Variants in PDE10A observed in about 807,000 individuals in gnomAD.
PDE10A encodes cAMP and cAMP-inhibited cGMP 3',5'-cyclic phosphodiesterase 10A.
A neutral mutation model predicts 97.7 loss-of-function variants in PDE10A; 39 were observed. The observed-to-expected ratio is 0.40, with a 90% confidence interval of 0.31 to 0.52. PDE10A has a LOEUF of 0.52. Ranked by LOEUF, PDE10A falls within the 20% of genes least tolerant of loss-of-function variation. PDE10A has a pLI of 0.56. For synonymous variants in PDE10A, 371 were observed against 376.8 expected, an observed-to-expected ratio of 0.98 and a Z score of 0.18; for missense variants, 731 against 1,047.8, an observed-to-expected ratio of 0.70 and a Z score of 4.17.
chr6:165,747,835 C>A (rs913118006), intron 1 of PDE10A, among the ~76,000 whole-genome samples: 1 of 152,206 alleles, frequency 6.6e-6, no homozygotes, highest in African/African-American at 2.4e-5. Flanking sequence ...AGTTTAGCAA[C>A]TGCTGCCTAG....
At chr6:165,502,486 A>G (rs1306327170) in intron 2 of PDE10A, among the ~76,000 whole-genome samples, 3 of 152,258 alleles carry the variant, frequency 2.0e-5, no homozygotes. Flanking sequence ...TGATGCAGAA[A>G]TGAAAAACTC....
At chr6:165,459,554 CAGACAGATAGAT>C (rs1377664708) in intron 3 of PDE10A, among the ~76,000 whole-genome samples, 139 of 118,460 alleles carry the variant, frequency 1.2e-3, no homozygotes, top group African/African-American at 4.3e-3. Context: ...GACAGACAGA[CAGACAGATAGAT>C]AGATAATGAT....
chr6:165,963,570 G>A (rs919525514), intron 1 of PDE10A, among the ~76,000 whole-genome samples: 1 of 152,176 alleles, frequency 6.6e-6, no homozygotes, highest in African/African-American at 2.4e-5. Context: ...ACTGTGGTGA[G>A]AGTTTGTCAG....
intron 2 of PDE10A, among the ~76,000 whole-genome samples, chr6:165,516,200 G>A (rs955798475): frequency 3.3e-5 from 5 of 151,948 alleles, no homozygotes; most frequent in Admixed American, 6.6e-5. Flanking sequence ...TCTCTTCTCC[G>A]TCTTCCATCT....
At chr6:165,506,170 T>C (rs1051034030) in intron 2 of PDE10A, among the ~76,000 whole-genome samples, 5 of 152,144 alleles carry the variant, frequency 3.3e-5, no homozygotes, top group Non-Finnish European at 5.9e-5. Context: ...TAATGTTATA[T>C]TGCAGATTAA....
intron 1 of PDE10A, among the ~76,000 whole-genome samples, chr6:165,865,030 C>A (rs1189320024): frequency 6.6e-6 from 1 of 152,144 alleles, no homozygotes; most frequent in Non-Finnish European, 1.5e-5. Context: ...GCTTTACCAC[C>A]ACCTGGAAGC....
intron 8 of PDE10A, among the ~76,000 whole-genome samples, chr6:165,430,892 G>T (rs1351621580): frequency 6.6e-6 from 1 of 152,148 alleles, no homozygotes; most frequent in Admixed American, 6.5e-5. Flanking sequence ...AAAATAAAAA[G>T]AGAGAAGGAG....
chr6:165,625,756 T>C (rs529372539), intron 1 of PDE10A, among the ~76,000 whole-genome samples: 3 of 152,326 alleles, frequency 2.0e-5, no homozygotes, highest in Admixed American at 6.5e-5. Context: ...CCTTCTGCCA[T>C]GATTGTGAGG....
chr6:165,649,912 C>T (rs2128424679), intron 1 of PDE10A, among the ~76,000 whole-genome samples: 1 of 152,336 alleles, frequency 6.6e-6, no homozygotes, highest in South Asian at 2.1e-4. Context: ...AGCATGAAAC[C>T]ATCAATTGCA....
At chr6:165,354,084 G>A (rs139879670) in intron 18 of PDE10A, among the ~76,000 whole-genome samples, 4 of 152,166 alleles carry the variant, frequency 2.6e-5, no homozygotes, top group African/African-American at 4.8e-5. Context: ...CAAATAAGAT[G>A]GAAAATTAGT....
rs112106525 is a variant in PDE10A at position 165,978,440 on chromosome 6, G to A, written c.-615+9089C>T. On this transcript the variant is annotated intron_variant, in intron 1 of 19. Coordinates refer to the PDE10A transcript ENST00000366882. ...CTAGCAGAAATTTTCTTAACCAAGCGATCAAACTTAATGTCACCACGACAG... is the reference window on the plus strand; with the variant it reads ...CTAGCAGAAATTTTCTTAACCAAGCAATCAAACTTAATGTCACCACGACAG... Among the ~76,000 whole-genome samples, 573 of 152,280 alleles carry A rather than the reference G, an allele frequency of 3.8e-3. 5 individuals carry two copies. Among genetic ancestry groups the A allele is most frequent in the African/African-American group, 0.013 (551 of 41,564 alleles).
At chr6:165,608,062 GTATATATATA>G (rs950404218) in intron 1 of PDE10A, among the ~76,000 whole-genome samples, 5 of 145,956 alleles carry the variant, frequency 3.4e-5, no homozygotes, top group African/African-American at 1.3e-4. Flanking sequence ...GTATATATAT[GTATATATATA>G]TGTATATATG....
chr6:165,922,535 C>A (rs929849707), intron 1 of PDE10A, among the ~76,000 whole-genome samples: 2 of 152,174 alleles, frequency 1.3e-5, no homozygotes, highest in East Asian at 3.9e-4. Context: ...GAAAATGACT[C>A]ATTTCCTTTT....
chr6:165,358,584 G>A (rs1479099265), intron 18 of PDE10A, among the ~76,000 whole-genome samples: 1 of 151,138 alleles, frequency 6.6e-6, no homozygotes, highest in African/African-American at 2.4e-5. Flanking sequence ...TACTTAAAGT[G>A]CATACGTCAT....
At chr6:165,701,923 C>T (rs1190151291) in intron 1 of PDE10A, among the ~76,000 whole-genome samples, 2 of 152,060 alleles carry the variant, frequency 1.3e-5, no homozygotes, top group Non-Finnish European at 2.9e-5. Context: ...AGACAGTCAA[C>T]AGGCAGAGGA....
intron 1 of PDE10A, among the ~76,000 whole-genome samples, chr6:165,863,452 A>G (rs1780959998): frequency 6.6e-6 from 1 of 152,202 alleles, no homozygotes. Context: ...TATAAACTAG[A>G]TAACTGCATA....
intron 1 of PDE10A, among the ~76,000 whole-genome samples, chr6:165,652,407 G>C (rs951032599): frequency 6.6e-6 from 1 of 151,142 alleles, no homozygotes; most frequent in African/African-American, 2.4e-5. Flanking sequence ...GGCTGATCTA[G>C]AACTCCCGGG....
chr6:165,879,923 C>CG (rs60091899), intron 1 of PDE10A, among the ~76,000 whole-genome samples: 60 of 150,726 alleles, frequency 4.0e-4, no homozygotes, highest in South Asian at 1.3e-3. Flanking sequence ...TATGAATTCT[C>CG]GGGGGGGGAC....
intron 1 of PDE10A, among the ~76,000 whole-genome samples, chr6:165,875,746 T>TTTTGTGTG (rs780504850): frequency 1.1e-3 from 162 of 147,082 alleles, no homozygotes; most frequent in Middle Eastern, 6.9e-3. Context: ...TTTTTTTTTT[T>TTTTGTGTG]TGTGTGTGTG....
Sources: allele counts gnomAD v4.1 joint callset (sites outside exome capture counted in the v4.1 genomes callset), GRCh38; gene constraint gnomAD v4.1.1; transcripts MANE v1.5; gene names NCBI Gene and HGNC (gene_info 2026-07-23, HGNC 2026-07-21).